The following PTPRN2 variants were observed in gnomAD, a reference collection of about 807,000 sequenced individuals.
PTPRN2 encodes protein tyrosine phosphatase receptor type N2.
PTPRN2 carries 74 observed loss-of-function variants against 118.8 expected under a neutral mutation model. The observed-to-expected ratio is 0.62, with a 90% CI of 0.52 to 0.76. The LOEUF (loss-of-function observed/expected upper bound fraction) is 0.76. Among genes scored for constraint, PTPRN2 ranks in the 30% least tolerant of loss-of-function variants. The pLI is 0.00. For synonymous variants in PTPRN2, 641 were observed against 608.0 expected, an observed-to-expected ratio of 1.05 and a Z score of -0.80; for missense variants, 1,481 against 1,394.4, an observed-to-expected ratio of 1.06 and a Z score of -0.99.
chr7:158,404,058 G>A (rs908025695), intron 2 of PTPRN2, among the ~76,000 whole-genome samples: 1 of 152,206 alleles, frequency 6.6e-6, no homozygotes, highest in African/African-American at 2.4e-5. Context: ...CCCAGCATGC[G>A]CAGTCTTTTC....
chr7:157,881,228 T>TGATGG lies in PTPRN2; in HGVS notation c.1788+17444_1788+17445insCCATC, dbSNP rs1183789357. On this transcript the variant is annotated intron_variant, in intron 12 of 22. Coordinates refer to ENST00000389418, the MANE Select transcript of PTPRN2 (RefSeq NM_002847.5). This position sits in a 1 kb window ranked among gnomAD's most constrained non-coding sequence, Gnocchi z 4.7. ...GAGATGGGGGTGTTTACAGTAGTCA[T>TGATGG]TATGGTAAAATGAGGTCATGATGGT... Among the ~76,000 whole-genome samples the TGATGG allele has an allele frequency of 1.1e-4, 17 of 148,368 alleles. No individual in the cohort carries two copies. The highest frequency in any genetic ancestry group is 1.1e-3 in the Admixed American group (16 of 15,040).
Position 158,245,183 on chromosome 7 carries a change from G to A in PTPRN2, c.278-39910C>T, listed in dbSNP as rs150364229. Among the ~76,000 whole-genome samples the A allele has an allele frequency of 1.4e-4, 14 of 99,938 alleles. No individual in the cohort carries two copies. In the East Asian group the frequency reaches 1.5e-3, roughly 11 times the overall value. 65.6% of individuals were successfully genotyped at this position (99,938 alleles called of 152,430 possible). A position where few individuals can be genotyped will look rare whatever the true frequency, so the allele number is the denominator to read the frequency against. The stretch of plus-strand genomic sequence containing the variant: ...CCATGCCGGAATCCATGGCCATGCC[G>A]GAATCCGTGGTCATGCTGGAATCCA... On this transcript the variant is annotated intron_variant, in intron 3 of 22. Transcript: ENST00000389418.
At chr7:157,907,626 G>A (rs1797853301) in intron 11 of PTPRN2, among the ~76,000 whole-genome samples, 1 of 144,890 alleles carries the variant, frequency 6.9e-6, no homozygotes, top group Admixed American at 6.9e-5. Flanking sequence ...GGTGTCCTGG[G>A]GGTGGCAGTA....
chr7:157,724,644 C>G (rs989227411), intron 12 of PTPRN2, among the ~76,000 whole-genome samples: 1 of 152,198 alleles, frequency 6.6e-6, no homozygotes. Flanking sequence ...CTCATGCAAG[C>G]CTGCAGCTGG....
At chr7:157,942,339 C>A (rs1346915869) in intron 11 of PTPRN2, among the ~76,000 whole-genome samples, 1 of 152,186 alleles carries the variant, frequency 6.6e-6, no homozygotes, top group Non-Finnish European at 1.5e-5. Context: ...AGCCTTCACC[C>A]TAGTTTTGCT....
At chr7:158,473,956 A>G (rs943279381) in intron 2 of PTPRN2, among the ~76,000 whole-genome samples, 8 of 152,298 alleles carry the variant, frequency 5.3e-5, no homozygotes, top group African/African-American at 1.9e-4. Context: ...ACACAGGCCC[A>G]TGACAACCCT....
chr7:158,296,032 T>C (rs1800476745), intron 3 of PTPRN2, among the ~76,000 whole-genome samples: 1 of 152,128 alleles, frequency 6.6e-6, no homozygotes, highest in Non-Finnish European at 1.5e-5. Context: ...AAGTGCTGGG[T>C]GGAGAAGGGC....
At chr7:158,243,093 G>A (rs560011380) in intron 3 of PTPRN2, among the ~76,000 whole-genome samples, 2 of 152,274 alleles carry the variant, frequency 1.3e-5, no homozygotes, top group South Asian at 2.1e-4. Context: ...TAGTGCCTTG[G>A]GGTGTAATGT....
chr7:158,135,625 C>A (rs1372597028), intron 8 of PTPRN2, among the ~76,000 whole-genome samples: 1 of 152,148 alleles, frequency 6.6e-6, no homozygotes, highest in Non-Finnish European at 1.5e-5. Flanking sequence ...GGCAGCCCCC[C>A]AGAGCGCTCC....
chr7:157,975,728 C>G (rs563712657), intron 11 of PTPRN2, among the ~76,000 whole-genome samples: 1 of 152,190 alleles, frequency 6.6e-6, no homozygotes, highest in Non-Finnish European at 1.5e-5. Context: ...AGTCTAAAAC[C>G]TCACTGTCTT....
rs541114829 is a variant in PTPRN2 at position 157,995,897 on chromosome 7, GGATA to G, written c.1723+85397_1723+85400del. Among the ~76,000 whole-genome samples, 189 of 152,372 alleles carry G rather than the reference GGATA, an allele frequency of 1.2e-3. 1 individual carries two copies. The highest frequency in any genetic ancestry group is 4.3e-3 in the African/African-American group (180 of 41,596). On this transcript the variant is annotated intron_variant, in intron 11 of 22. Transcript: ENST00000389418. Reference sequence around the variant, plus strand: ...CGTAAGTGTCCATCAGTGGATGAATGGATAAAGAAAACGTGGTGTGTCCACACAA... The same window carrying G: ...CGTAAGTGTCCATCAGTGGATGAATGAAGAAAACGTGGTGTGTCCACACAA...
At chr7:157,624,632 T>C (rs978518169) in intron 14 of PTPRN2, among the ~76,000 whole-genome samples, 1 of 152,196 alleles carries the variant, frequency 6.6e-6, no homozygotes, top group Non-Finnish European at 1.5e-5. Context: ...GCATGGGTAC[T>C]TGAAGTTCAG....
chr7:157,722,064 T>G (rs1166652369), intron 12 of PTPRN2, among the ~76,000 whole-genome samples: 3 of 151,696 alleles, frequency 2.0e-5, no homozygotes, highest in Non-Finnish European at 4.4e-5. Context: ...CAAGAAACAT[T>G]GTCTGTATCT....
At chr7:158,127,507 G>T (rs115654516) in intron 9 of PTPRN2, among the ~76,000 whole-genome samples, 344 of 152,234 alleles carry the variant, frequency 2.3e-3, no homozygotes, top group African/African-American at 7.1e-3. Flanking sequence ...CTGGATGCCG[G>T]ACTTCCGTGG....
chr7:158,187,239 A>T (rs1170335647), intron 5 of PTPRN2, among the ~76,000 whole-genome samples: 1 of 152,240 alleles, frequency 6.6e-6, no homozygotes, highest in African/African-American at 2.4e-5. Context: ...TAATTCTGTT[A>T]TGACGTCACC....
At chr7:158,097,648 G>T (rs1245310529) in intron 10 of PTPRN2, among the ~76,000 whole-genome samples, 1 of 152,134 alleles carries the variant, frequency 6.6e-6, no homozygotes, top group Non-Finnish European at 1.5e-5. Flanking sequence ...GAGATTCCGC[G>T]GAAGGCGGCC....
chr7:158,228,602 C>G (rs113874994), intron 3 of PTPRN2, among the ~76,000 whole-genome samples: 3 of 151,994 alleles, frequency 2.0e-5, no homozygotes, highest in Admixed American at 6.6e-5. Context: ...GCCACACACT[C>G]AAATACAAAA....
At chr7:157,713,469 C>A (rs1798753022) in intron 12 of PTPRN2, among the ~76,000 whole-genome samples, 1 of 151,986 alleles carries the variant, frequency 6.6e-6, no homozygotes, top group Non-Finnish European at 1.5e-5. Flanking sequence ...TCTATCTTTT[C>A]TTTTGGATAC....
intron 3 of PTPRN2, among the ~76,000 whole-genome samples, chr7:158,232,712 T>G (rs1325536057): frequency 6.6e-6 from 1 of 151,954 alleles, no homozygotes; most frequent in Non-Finnish European, 1.5e-5. Context: ...CAAGAACACA[T>G]TAAAAAGATC....
Sources: allele counts gnomAD v4.1 joint callset (sites outside exome capture counted in the v4.1 genomes callset), GRCh38; gene constraint gnomAD v4.1.1; non-coding constraint Gnocchi (gnomAD v3.1); transcripts MANE v1.5; gene names NCBI Gene and HGNC (gene_info 2026-07-23, HGNC 2026-07-21).